IL4I1: variants seen among roughly 807,000 people sequenced by gnomAD.
IL4I1 encodes the protein L-amino-acid oxidase.
Under a neutral mutation model 29.7 loss-of-function variants are expected in IL4I1, and 24 were observed. That is an observed-to-expected ratio of 0.81 (90% CI 0.59 to 1.14). IL4I1 has a LOEUF of 1.14. Ranked by LOEUF, IL4I1 falls within the 50% of genes most tolerant of loss-of-function variation. The pLI is 0.00. For synonymous variants in IL4I1, 371 were observed against 352.5 expected, an observed-to-expected ratio of 1.05 and a Z score of -0.59; for missense variants, 686 against 785.6, an observed-to-expected ratio of 0.87 and a Z score of 1.52.
intron 2 of IL4I1, among the ~76,000 whole-genome samples, chr19:49,910,338 CAGAG>C (rs1019331130): frequency 2.0e-5 from 3 of 151,942 alleles, no homozygotes; most frequent in East Asian, 3.9e-4. Flanking sequence ...CTCTGGACCT[CAGAG>C]AGAGAGATGG....
At chr19:49,913,347 G>A (rs2075529038) in intron 2 of IL4I1, among the ~76,000 whole-genome samples, 1 of 152,224 alleles carries the variant, frequency 6.6e-6, no homozygotes, top group Admixed American at 6.5e-5. Context: ...TTCTTGAAAT[G>A]TGCTGCCAGA....
rs1231924251 is a variant in IL4I1, at chr19:49,890,963, C to A, written c.773+8G>T. ...CCCCCCCCCCTGCCCGCCAGCCCCG[C>A]CCCTTACTGGAGTCTGTCGCTGAGG... is the stretch of plus-strand genomic sequence containing the variant. On this transcript the variant is annotated splice_region_variant and intron_variant, in intron 7 of 7. Transcript: ENST00000391826. The A allele has an allele frequency of 3.3e-6, 5 of 1,506,394 alleles. No individual in the cohort carries two copies. In the Admixed American group the frequency reaches 1.1e-4, roughly 33 times the overall value. The allele number at this position is 1,506,394 out of a possible 1,614,324, so 93.3% of individuals were successfully genotyped here.
intron 6 of IL4I1, 56 bp from the exon 7 acceptor site, chr19:49,891,163 A>G: frequency 1.3e-6 from 2 of 1,587,364 alleles, no homozygotes; most frequent in Non-Finnish European, 1.7e-6. Flanking sequence ...CCCCTGAGAG[A>G]GCCCCTCCGC....
chr19:49,909,868 C>A (rs1368525673), intron 2 of IL4I1: 1 of 1,557,496 alleles, frequency 6.4e-7, no homozygotes, highest in Non-Finnish European at 8.8e-7. Context: ...TCGGTGTCTG[C>A]AGCCTTGGGA....
At chr19:49,898,759 C>T (rs547645212), upstream of IL4I1, among the ~76,000 whole-genome samples, 1 of 152,282 alleles carries the variant, frequency 6.6e-6, no homozygotes, top group South Asian at 2.1e-4. Context: ...ATCCCAACTA[C>T]TCGGGACACT....
chr19:49,896,762 T>C (rs1600475041), intron 1 of IL4I1, 73 bp downstream of exon 1: 1 of 909,804 alleles, frequency 1.1e-6, no homozygotes, highest in East Asian at 1.2e-4. Context: ...TCTCCCCAGC[T>C]CCTGACTGCT....
At chr19:49,916,205 G>A (rs1568712588) in intron 2 of IL4I1, among the ~76,000 whole-genome samples, 1 of 152,168 alleles carries the variant, frequency 6.6e-6, no homozygotes, top group Admixed American at 6.5e-5. Context: ...GGACGGGAGA[G>A]TTTCATTGAG....
chr19:49,906,868 A>T (rs1439090849), intron 2 of IL4I1: 1 of 152,282 alleles, frequency 6.6e-6, no homozygotes, highest in Admixed American at 6.5e-5. Flanking sequence ...AACATACAGT[A>T]ATAGGTATTT....
Position 49,889,661 on chromosome 19 carries a change from G to T in IL4I1, c.*9C>A. ...GAGGCTGGACCACACGGCTTTTTCC[G>T]AAAATACTTTAATGCGAGGTCCTCG... On this transcript the variant is annotated 3_prime_UTR_variant, in exon 8 of 8. Transcript: ENST00000391826. 1 of 1,479,828 alleles carries T rather than the reference G, an allele frequency of 6.8e-7. No homozygotes were observed. Among genetic ancestry groups the T allele is most frequent in the Non-Finnish European group, 9.0e-7 (1 of 1,113,278 alleles). 91.7% of individuals were successfully genotyped at this position (1,479,828 alleles called of 1,614,324 possible).
At chr19:49,927,080 C>G (rs2075913313) in intron 2 of IL4I1, among the ~76,000 whole-genome samples, 1 of 151,952 alleles carries the variant, frequency 6.6e-6, no homozygotes, top group South Asian at 2.1e-4. Context: ...AGGCTGGTCT[C>G]GAATTCCTGA....
At chr19:49,905,219 T>C (rs1245715471) in intron 2 of IL4I1, among the ~76,000 whole-genome samples, 2 of 152,220 alleles carry the variant, frequency 1.3e-5, no homozygotes, top group Non-Finnish European at 2.9e-5. Flanking sequence ...AATATACATG[T>C]ACACTTTGGA....
At chr19:49,920,074 C>A (rs1400713655) in intron 2 of IL4I1, among the ~76,000 whole-genome samples, 1 of 152,118 alleles carries the variant, frequency 6.6e-6, no homozygotes, top group Non-Finnish European at 1.5e-5. Flanking sequence ...CACATGTGTG[C>A]CACCACACCA....
rs558862694 is a variant in IL4I1 at position 49,890,942 on chromosome 19, C to A, written c.773+29G>T. On this transcript the variant is annotated intron_variant, in intron 7 of 7. Transcript: ENST00000391826. ...CTTTCCCTGATTGCCCCCCGCCCCC[C>A]CCCCCTGCCCGCCAGCCCCGCCCCT... 4.9e-5 allele frequency: 26 copies of A among 535,782 alleles called. 1 individual carries two copies. Among genetic ancestry groups the A allele is most frequent in the East Asian group, 1.4e-4 (4 of 29,118 alleles). 33.2% of individuals were successfully genotyped at this position (535,782 alleles called of 1,614,324 possible).
chr19:49,918,895 T>TGGG lies in IL4I1; in HGVS notation c.-228+8796_-228+8798dup, dbSNP rs56129490. 6.6e-4 allele frequency among the ~76,000 whole-genome samples: 48 copies of TGGG among 72,314 alleles called. No individual in the cohort carries two copies. In the South Asian group the frequency reaches 0.014, roughly 21 times the overall value. The allele number at this position is 72,314 out of a possible 152,430, so 47.4% of individuals were successfully genotyped here. A position where few individuals can be genotyped will look rare whatever the true frequency, so the allele number is the denominator to read the frequency against. ...CTGCAATCCCAGCACTTTGGGAGGCTGGGGGGGGGGGGGCGGGGTGTGGGG... is the reference window on the plus strand; with the variant it reads ...CTGCAATCCCAGCACTTTGGGAGGCTGGGGGGGGGGGGGGGGCGGGGTGTGGGG... On this transcript the variant is annotated intron_variant, in intron 2 of 9. Coordinates refer to the IL4I1 transcript ENST00000341114.
At chr19:49,896,295 G>C (rs760992003) in intron 1 of IL4I1, 113 bp from the exon 2 acceptor site, 8 of 1,294,062 alleles carry the variant, frequency 6.2e-6, no homozygotes, top group Non-Finnish European at 8.3e-6. Flanking sequence ...CCCAGTCACT[G>C]TCCTGCTCTC....
At chr19:49,891,167 C>A in intron 6 of IL4I1, 60 bp from the exon 7 acceptor site, 1 of 1,583,028 alleles carries the variant, frequency 6.3e-7, no homozygotes, top group Non-Finnish European at 8.6e-7. Flanking sequence ...TGAGAGAGCC[C>A]CTCCGCAGCT....
At chr19:49,895,037 A>T (rs1235078887) in intron 4 of IL4I1, 31 bp downstream of exon 4, 13 of 1,552,494 alleles carry the variant, frequency 8.4e-6, no homozygotes, top group Non-Finnish European at 8.9e-6. Flanking sequence ...AGTTGAGTCT[A>T]GGCACACAGG....
chr19:49,913,037 A>T (rs764555817), intron 2 of IL4I1: 2 of 152,372 alleles, frequency 1.3e-5, no homozygotes, highest in African/African-American at 2.4e-5. Context: ...GGCTCAGGGC[A>T]GGCACAGGGC....
chr19:49,914,497 C>T (rs1212084670), intron 2 of IL4I1, among the ~76,000 whole-genome samples: 1 of 152,146 alleles, frequency 6.6e-6, no homozygotes, highest in Non-Finnish European at 1.5e-5. Context: ...TCCCTTCCTG[C>T]CTGCCTGCCC....
Sources: allele counts gnomAD v4.1 joint callset (sites outside exome capture counted in the v4.1 genomes callset), GRCh38; gene constraint gnomAD v4.1.1; transcripts MANE v1.5; gene names NCBI Gene and HGNC (gene_info 2026-07-23, HGNC 2026-07-21).